The following GSG1L variants were observed in gnomAD, a reference collection of about 807,000 sequenced individuals.
GSG1L encodes GSG1 like.
In GSG1L, 24 loss-of-function variants were observed where a neutral mutation model predicts 42.1. The observed-to-expected ratio is 0.57, with a 90% CI of 0.41 to 0.80. The LOEUF (loss-of-function observed/expected upper bound fraction) is 0.80. Among genes scored for constraint, GSG1L ranks in the 30% least tolerant of loss-of-function variants. GSG1L has a pLI of 0.00. For synonymous variants in GSG1L, 215 were observed against 203.5 expected, an observed-to-expected ratio of 1.06 and a Z score of -0.48; for missense variants, 445 against 472.2, an observed-to-expected ratio of 0.94 and a Z score of 0.53.
chr16:28,015,777 A>C (rs1468177897), intron 1 of GSG1L, among the ~76,000 whole-genome samples: 1 of 152,358 alleles, frequency 6.6e-6, no homozygotes, highest in South Asian at 2.1e-4. Context: ...TCAGGACTTG[A>C]AAAACTGAAG....
intron 3 of GSG1L, chr16:27,850,667 G>A (rs1256884494): frequency 4.5e-6 from 2 of 445,402 alleles, no homozygotes; most frequent in East Asian, 1.4e-4. Flanking sequence ...GATAGAGAAA[G>A]CTTTCAAAGC....
chr16:27,924,236 G>T (rs2084565402), intron 2 of GSG1L, among the ~76,000 whole-genome samples: 1 of 151,304 alleles, frequency 6.6e-6, no homozygotes. Flanking sequence ...TAGATATACT[G>T]TAATACCATT....
chr16:27,890,220 G>A (rs1042117069), intron 2 of GSG1L, among the ~76,000 whole-genome samples: 1 of 152,222 alleles, frequency 6.6e-6, no homozygotes. Flanking sequence ...GAAGAGGACG[G>A]CCGCTGAGTG....
intron 1 of GSG1L, among the ~76,000 whole-genome samples, chr16:28,038,670 T>C (rs1022053207): frequency 6.6e-6 from 1 of 152,204 alleles, no homozygotes; most frequent in African/African-American, 2.4e-5. Flanking sequence ...TCCGTCCTCC[T>C]GGCGATACCC....
intron 1 of GSG1L, among the ~76,000 whole-genome samples, chr16:28,048,939 G>C (rs1054961699): frequency 2.6e-5 from 4 of 152,134 alleles, no homozygotes; most frequent in African/African-American, 9.7e-5. Context: ...GGAGGAGGGG[G>C]CAATAAAACA....
At chr16:27,842,027 CATG>C (rs1174518337) in intron 4 of GSG1L, among the ~76,000 whole-genome samples, 1 of 152,128 alleles carries the variant, frequency 6.6e-6, no homozygotes, top group Non-Finnish European at 1.5e-5. Flanking sequence ...TTATCAGTAG[CATG>C]ATATTGCTCA....
At chr16:27,859,109 G>A (rs937626890) in intron 3 of GSG1L, among the ~76,000 whole-genome samples, 2 of 152,124 alleles carry the variant, frequency 1.3e-5, no homozygotes, top group African/African-American at 2.4e-5. Flanking sequence ...GCCACGAGAC[G>A]GTCTTGAGCT....
intron 3 of GSG1L, among the ~76,000 whole-genome samples, chr16:27,846,726 A>G (rs1044805316): frequency 1.3e-5 from 2 of 152,146 alleles, no homozygotes; most frequent in South Asian, 2.1e-4. Context: ...AGGCCGAGGC[A>G]TGCGGATCAC....
intron 2 of GSG1L, among the ~76,000 whole-genome samples, chr16:27,887,716 C>T (rs1490096704): frequency 6.6e-6 from 1 of 152,208 alleles, no homozygotes; most frequent in African/African-American, 2.4e-5. Flanking sequence ...GATGCTGAAA[C>T]ACCCACTATC....
At chr16:27,959,491 G>A (rs2085043984) in intron 2 of GSG1L, among the ~76,000 whole-genome samples, 1 of 120,832 alleles carries the variant, frequency 8.3e-6, no homozygotes, top group South Asian at 3.4e-4. Flanking sequence ...GAGAGGAGAC[G>A]AGACAAGACG....
rs2082724975 is a variant in GSG1L at position 27,789,279 on chromosome 16, T to A, written c.*2091A>T. On this transcript the variant is annotated 3_prime_UTR_variant, in exon 7 of 7. Transcript: ENST00000447459. ...AATAAATGGATAATGCAGAAATGGA[T>A]AATGGATGGATGGATGGTTGATGGA... 6.6e-6 allele frequency: 1 copy of A among 152,046 alleles called. No individual in the cohort carries two copies. 9.4% of individuals were successfully genotyped at this position (152,046 alleles called of 1,614,324 possible).
intron 4 of GSG1L, among the ~76,000 whole-genome samples, chr16:27,837,057 T>C (rs1170445687): frequency 6.6e-6 from 1 of 151,926 alleles, no homozygotes; most frequent in East Asian, 1.9e-4. Flanking sequence ...ACTGGGCGAG[T>C]GTATTAGTCT....
intron 1 of GSG1L, among the ~76,000 whole-genome samples, chr16:27,995,389 A>C (rs149116186): frequency 4.8e-4 from 73 of 152,196 alleles, no homozygotes; most frequent in Middle Eastern, 6.8e-3. Context: ...GTGGGTAAAG[A>C]ATCTATGTAA....
At chr16:27,837,261 A>G (rs1190676213) in intron 4 of GSG1L, among the ~76,000 whole-genome samples, 3 of 152,202 alleles carry the variant, frequency 2.0e-5, no homozygotes, top group Admixed American at 6.5e-5. Context: ...AGAACTCACT[A>G]TCACAAGAAC....
At chr16:27,886,238 G>A (rs757242162) in intron 2 of GSG1L, among the ~76,000 whole-genome samples, 3 of 152,108 alleles carry the variant, frequency 2.0e-5, no homozygotes, top group Non-Finnish European at 2.9e-5. Flanking sequence ...TCAGGAGTTC[G>A]AGACCAGCCT....
intron 3 of GSG1L, among the ~76,000 whole-genome samples, chr16:27,877,604 C>A (rs988554789): frequency 1.3e-5 from 2 of 152,118 alleles, no homozygotes. Flanking sequence ...CAACCCTGTC[C>A]CTCAGCCCTG....
chr16:27,880,703 C>T (rs2083941837), intron 3 of GSG1L, among the ~76,000 whole-genome samples: 1 of 152,176 alleles, frequency 6.6e-6, no homozygotes, highest in South Asian at 2.1e-4. Flanking sequence ...CCCCCACTTC[C>T]TGCCCCATGA....
At chr16:27,917,584 G>A (rs539070558) in intron 2 of GSG1L, among the ~76,000 whole-genome samples, 28 of 152,264 alleles carry the variant, frequency 1.8e-4, no homozygotes, top group Non-Finnish European at 3.1e-4. Flanking sequence ...CAGCAACTGG[G>A]GCCAGATGGC....
chr16:27,874,580 A>G (rs2083863976), intron 3 of GSG1L, among the ~76,000 whole-genome samples: 1 of 150,732 alleles, frequency 6.6e-6, no homozygotes, highest in Non-Finnish European at 1.5e-5. Context: ...CCTACCAAGT[A>G]TCTGGGATAT....
Sources: gnomAD v4.1 joint callset for allele counts (sites outside exome capture counted in the v4.1 genomes callset) on GRCh38, gnomAD v4.1.1 for gene constraint, MANE v1.5 for transcripts, NCBI Gene and HGNC (gene_info 2026-07-23, HGNC 2026-07-21) for gene names.